PID1: variants seen among roughly 807,000 people sequenced by gnomAD.
The protein encoded by PID1 is PTB-containing, cubilin and LRP1-interacting protein.
Under a neutral mutation model 19.1 loss-of-function variants are expected in PID1, and 10 were observed. The observed-to-expected ratio is 0.52, with a 90% CI of 0.32 to 0.89. PID1 has a LOEUF of 0.89. PID1 is among the 40% of genes least tolerant of loss of function. The pLI, the probability that PID1 is intolerant of heterozygous loss-of-function variation, is 0.03. For synonymous variants in PID1, 130 were observed against 116.0 expected, an observed-to-expected ratio of 1.12 and a Z score of -0.78; for missense variants, 248 against 285.3, an observed-to-expected ratio of 0.87 and a Z score of 0.94.
chr2:229,123,991 T>A (rs1695574653), intron 2 of PID1, among the ~76,000 whole-genome samples: 1 of 152,198 alleles, frequency 6.6e-6, no homozygotes, highest in Admixed American at 6.5e-5. Flanking sequence ...GTAATGAACC[T>A]GCTTTAGGGA....
chr2:229,068,063 G>A (rs1169994469), intron 2 of PID1, among the ~76,000 whole-genome samples: 1 of 152,192 alleles, frequency 6.6e-6, no homozygotes, highest in African/African-American at 2.4e-5. Flanking sequence ...TCTCTGTCTA[G>A]CTGCTTTTGT....
At chr2:229,070,403 T>C (rs965689857) in intron 2 of PID1, among the ~76,000 whole-genome samples, 1 of 152,214 alleles carries the variant, frequency 6.6e-6, no homozygotes, top group East Asian at 1.9e-4. Context: ...TTAAATGAGA[T>C]AACCCATGTA....
chr2:229,162,784 A>G (rs1218463210), intron 1 of PID1, among the ~76,000 whole-genome samples: 1 of 152,244 alleles, frequency 6.6e-6, no homozygotes, highest in African/African-American at 2.4e-5. Context: ...TATACCACTT[A>G]TTGTAAATAA....
chr2:229,192,645 A>G (rs1228114077), intron 1 of PID1, among the ~76,000 whole-genome samples: 1 of 152,198 alleles, frequency 6.6e-6, no homozygotes, highest in Non-Finnish European at 1.5e-5. Context: ...TGCTATCTCC[A>G]AGCCTGTTTT....
chr2:229,052,511 CCTAA>C (rs1395605701), intron 2 of PID1, among the ~76,000 whole-genome samples: 2 of 151,698 alleles, frequency 1.3e-5, no homozygotes, highest in African/African-American at 4.8e-5. Flanking sequence ...GATCTTTCCA[CCTAA>C]CTGTTATTTT....
At chr2:229,152,119 A>T (rs28660567) in intron 2 of PID1, among the ~76,000 whole-genome samples, 26,425 of 152,114 alleles carry the variant, frequency 0.17, 2,650 homozygotes, top group Non-Finnish European at 0.23. Context: ...CTCCCAGGGT[A>T]CGGGTCTGTT....
intron 2 of PID1, among the ~76,000 whole-genome samples, chr2:229,087,698 G>A (rs747643092): frequency 6.6e-6 from 1 of 152,056 alleles, no homozygotes; most frequent in Non-Finnish European, 1.5e-5. Flanking sequence ...ACACACACAA[G>A]CTTTAAGATC....
intron 2 of PID1, among the ~76,000 whole-genome samples, chr2:229,129,248 A>T (rs537780292): frequency 1.3e-5 from 2 of 152,114 alleles, no homozygotes; most frequent in South Asian, 4.2e-4. Flanking sequence ...CCCCATCTCT[A>T]CTAAAAATAC....
At position 229,262,730 on chromosome 2, in the gene PID1, C is replaced by T. The variant is rs981384643; in HGVS notation, c.30+8284G>A. On this transcript the variant is annotated intron_variant, in intron 1 of 2. Coordinates refer to ENST00000392055, the MANE Select transcript of PID1 (RefSeq NM_001100818.2). ...AAATGTAAAGGTTGGCAGGGCCACA[C>T]ACCATCCAAAAGCTCTGGAGAAGAA... The T allele has an allele frequency of 5.8e-6, 9 of 1,551,670 alleles. No homozygotes were observed. In the African/African-American group the frequency reaches 6.8e-5, roughly 12 times the overall value.
At chr2:229,100,168 C>A (rs1465357524) in intron 2 of PID1, among the ~76,000 whole-genome samples, 1 of 152,210 alleles carries the variant, frequency 6.6e-6, no homozygotes, top group African/African-American at 2.4e-5. Flanking sequence ...GCTTTCAGAA[C>A]TGTGAGACAC....
At chr2:229,166,670 T>A (rs1690604151) in intron 1 of PID1, among the ~76,000 whole-genome samples, 1 of 152,152 alleles carries the variant, frequency 6.6e-6, no homozygotes, top group African/African-American at 2.4e-5. Flanking sequence ...AACTGTTGCA[T>A]TGATATTACT....
At chr2:229,192,216 A>C (rs1691275664) in intron 1 of PID1, among the ~76,000 whole-genome samples, 1 of 152,286 alleles carries the variant, frequency 6.6e-6, no homozygotes, top group South Asian at 2.1e-4. Flanking sequence ...TCCTAGGAGT[A>C]CCTTTTTTAT....
chr2:229,160,121 C>A (rs916880993), intron 1 of PID1, among the ~76,000 whole-genome samples: 3 of 152,248 alleles, frequency 2.0e-5, no homozygotes, highest in African/African-American at 7.2e-5. Context: ...ATCAATCCAA[C>A]TTCTGCCACA....
chr2:229,269,532 A>T (rs1349805907), intron 1 of PID1, among the ~76,000 whole-genome samples: 1 of 152,236 alleles, frequency 6.6e-6, no homozygotes, highest in Non-Finnish European at 1.5e-5. Context: ...CTCTCTAAGG[A>T]CTTCCAAAAG....
chr2:229,052,065 C>G (rs1350811270), intron 2 of PID1, among the ~76,000 whole-genome samples: 1 of 152,176 alleles, frequency 6.6e-6, no homozygotes, highest in Non-Finnish European at 1.5e-5. Flanking sequence ...GCTTTCATTG[C>G]TGGTCCTATC....
At chr2:229,045,007 G>A (rs1205654219) in intron 2 of PID1, among the ~76,000 whole-genome samples, 1 of 152,074 alleles carries the variant, frequency 6.6e-6, no homozygotes, top group African/African-American at 2.4e-5. Flanking sequence ...AGGCTGGAGT[G>A]CAATGGTACA....
At chr2:229,194,182 G>A (rs1284689242) in intron 1 of PID1, among the ~76,000 whole-genome samples, 3 of 151,956 alleles carry the variant, frequency 2.0e-5, no homozygotes, top group Non-Finnish European at 2.9e-5. Flanking sequence ...TTTCTAGATG[G>A]CTAGTTAATC....
At chr2:229,155,567 C>T (rs962818180) in intron 2 of PID1, among the ~76,000 whole-genome samples, 49 of 147,206 alleles carry the variant, frequency 3.3e-4, no homozygotes, top group African/African-American at 1.1e-3. Context: ...AGCGAGACTC[C>T]GTCTCAAAAA....
At chr2:229,243,501 C>T (rs1344482849) in intron 1 of PID1, among the ~76,000 whole-genome samples, 1 of 152,132 alleles carries the variant, frequency 6.6e-6, no homozygotes, top group East Asian at 1.9e-4. Context: ...GTCCTCAAGA[C>T]TGCGCACTCC....
Sources: allele counts gnomAD v4.1 joint callset (sites outside exome capture counted in the v4.1 genomes callset), GRCh38; gene constraint gnomAD v4.1.1; transcripts MANE v1.5; gene names NCBI Gene and HGNC (gene_info 2026-07-23, HGNC 2026-07-21).